The following UBL3 variants were observed in gnomAD, a reference collection of about 807,000 sequenced individuals.
UBL3 encodes the protein ubiquitin like 3.
A neutral mutation model predicts 18.4 loss-of-function variants in UBL3; 6 were observed. That is an observed-to-expected ratio of 0.33 (90% CI 0.18 to 0.64). The LOEUF (loss-of-function observed/expected upper bound fraction) is 0.64, where lower values mean the gene tolerates loss of function less well. Among genes scored for constraint, UBL3 ranks in the 30% least tolerant of loss-of-function variants. UBL3 has a pLI of 0.76. For missense variants in UBL3, 109 were observed against 142.9 expected, an observed-to-expected ratio of 0.76 and a Z score of 1.21; for synonymous variants, 49 against 46.6, an observed-to-expected ratio of 1.05 and a Z score of -0.21.
At chr13:29,820,119 A>G (rs1435898832) in intron 1 of UBL3, among the ~76,000 whole-genome samples, 2 of 151,800 alleles carry the variant, frequency 1.3e-5, no homozygotes, top group African/African-American at 2.4e-5. Flanking sequence ...TGACCCTGAA[A>G]AGAAAGATGT....
rs773872548 is a variant in UBL3 at position 29,769,407 on chromosome 13, C to A, written c.224-1712G>T. Reference sequence around the variant, plus strand: ...AAGAGGAATACCAGAATCTAAAATGCGTTTTCTTCCTTTCACTGTGGATGC... The same window carrying A: ...AAGAGGAATACCAGAATCTAAAATGAGTTTTCTTCCTTTCACTGTGGATGC... On this transcript the variant is annotated intron_variant, in intron 3 of 4. Transcript: ENST00000380680. Among the ~76,000 whole-genome samples, 2 of 152,010 alleles carry A rather than the reference C, an allele frequency of 1.3e-5. 1 individual carries two copies. Among genetic ancestry groups the A allele is most frequent in the Non-Finnish European group, 2.9e-5 (2 of 67,938 alleles).
chr13:29,766,014 T>G lies in UBL3; in HGVS notation c.*1241A>C, dbSNP rs1239636428. The G allele has an allele frequency of 6.6e-6, 1 of 152,548 alleles. No individual in the cohort carries two copies. The highest frequency in any genetic ancestry group is 2.4e-5 in the African/African-American group (1 of 41,440). The allele number at this position is 152,548 out of a possible 1,614,324, so 9.4% of individuals were successfully genotyped here. ...TGTAGTTAGGTATTTTATAAGTCTT[T>G]TATTAAATATATTCTACACATATTT... On this transcript the variant is annotated 3_prime_UTR_variant, in exon 5 of 5. Transcript: ENST00000380680.
chr13:29,772,370 T>C (rs1251127702), intron 2 of UBL3, among the ~76,000 whole-genome samples, 172 bp from the exon 3 acceptor site: 1 of 152,146 alleles, frequency 6.6e-6, no homozygotes, highest in Non-Finnish European at 1.5e-5. Flanking sequence ...ACCTTGGTTA[T>C]TACTTATTCT....
intron 2 of UBL3, among the ~76,000 whole-genome samples, chr13:29,773,305 T>C (rs998794051): frequency 2.6e-5 from 4 of 152,148 alleles, no homozygotes; most frequent in African/African-American, 9.7e-5. Context: ...CGTCATTTCC[T>C]GCCCCCGCTC....
chr13:29,843,949 C>T (rs1310112665), intron 1 of UBL3, among the ~76,000 whole-genome samples: 1 of 152,200 alleles, frequency 6.6e-6, no homozygotes, highest in Non-Finnish European at 1.5e-5. Context: ...GAATACTCAT[C>T]TTTTGTAATA....
At chr13:29,776,304 T>G (rs1456712843) in intron 2 of UBL3, among the ~76,000 whole-genome samples, 14 of 138,110 alleles carry the variant, frequency 1.0e-4, no homozygotes, top group African/African-American at 3.0e-4. Flanking sequence ...GCTCTGTTGC[T>G]CAGGCAGGAA....
At chr13:29,843,328 A>G (rs1879153079) in intron 1 of UBL3, among the ~76,000 whole-genome samples, 1 of 152,226 alleles carries the variant, frequency 6.6e-6, no homozygotes, top group South Asian at 2.1e-4. Flanking sequence ...TATTTTAAAT[A>G]TTAACTTGTT....
rs1385738849 is a variant in UBL3 at position 29,765,941 on chromosome 13, T to A, written c.*1314A>T. The A allele has an allele frequency of 6.6e-6, 1 of 152,600 alleles. No individual in the cohort carries two copies. The highest frequency in any genetic ancestry group is 1.5e-5 in the Non-Finnish European group (1 of 67,992). 9.5% of individuals were successfully genotyped at this position (152,600 alleles called of 1,614,324 possible). On this transcript the variant is annotated 3_prime_UTR_variant, in exon 5 of 5. Coordinates refer to ENST00000380680, the MANE Select transcript of UBL3 (RefSeq NM_007106.4). Reference sequence around the variant, plus strand: ...TTTTTATAAAGGCTAAACTTATTTATATGGAATATTGTTCTGTATACTACG... The same window carrying A: ...TTTTTATAAAGGCTAAACTTATTTAAATGGAATATTGTTCTGTATACTACG...
At chr13:29,768,275 A>AT (rs754705083) in intron 3 of UBL3, among the ~76,000 whole-genome samples, 2 of 152,056 alleles carry the variant, frequency 1.3e-5, no homozygotes, top group African/African-American at 4.8e-5. Context: ...TCTTTATAAC[A>AT]TTTTTTCACT....
At chr13:29,789,244 A>G (rs1321155366) in intron 1 of UBL3, among the ~76,000 whole-genome samples, 1 of 152,208 alleles carries the variant, frequency 6.6e-6, no homozygotes, top group Non-Finnish European at 1.5e-5. Flanking sequence ...TGCAAAATGA[A>G]AAGAGTTCTG....
chr13:29,782,633 T>C (rs113385146), intron 1 of UBL3, among the ~76,000 whole-genome samples: 4 of 152,264 alleles, frequency 2.6e-5, no homozygotes, highest in African/African-American at 4.8e-5. Context: ...ACATTTGAGT[T>C]TGTTAACTCA....
chr13:29,845,573 G>C (rs536643454), intron 1 of UBL3, among the ~76,000 whole-genome samples: 1 of 152,006 alleles, frequency 6.6e-6, no homozygotes, highest in African/African-American at 2.4e-5. Flanking sequence ...ACTTGGAAAA[G>C]TGATAAAAGT....
At chr13:29,769,206 G>T (rs1876771738) in intron 3 of UBL3, among the ~76,000 whole-genome samples, 2 of 152,040 alleles carry the variant, frequency 1.3e-5, no homozygotes, top group African/African-American at 4.8e-5. Flanking sequence ...GAGAAAAAAG[G>T]TAGGTAAACT....
intron 1 of UBL3, among the ~76,000 whole-genome samples, chr13:29,777,662 T>A (rs1011004775): frequency 2.6e-5 from 4 of 152,112 alleles, no homozygotes; most frequent in African/African-American, 7.2e-5. Context: ...AGAAAAAAAA[T>A]TTAGTTGATA....
intron 1 of UBL3, among the ~76,000 whole-genome samples, chr13:29,786,708 G>C (rs1877327867): frequency 6.6e-6 from 1 of 152,180 alleles, no homozygotes; most frequent in East Asian, 1.9e-4. Flanking sequence ...GGTACATTTA[G>C]ATATGCTAAA....
chr13:29,770,577 C>A (rs187393092), intron 3 of UBL3, among the ~76,000 whole-genome samples: 1 of 151,910 alleles, frequency 6.6e-6, no homozygotes, highest in Non-Finnish European at 1.5e-5. Flanking sequence ...GGAAATTGCT[C>A]ACATAGATCA....
At chr13:29,778,885 T>C (rs552333586) in intron 1 of UBL3, among the ~76,000 whole-genome samples, 4 of 152,360 alleles carry the variant, frequency 2.6e-5, no homozygotes, top group African/African-American at 9.6e-5. Context: ...TATTAGAACC[T>C]GTATTCTATC....
At chr13:29,798,316 G>C (rs1327963296) in intron 1 of UBL3, among the ~76,000 whole-genome samples, 1 of 152,154 alleles carries the variant, frequency 6.6e-6, no homozygotes, top group African/African-American at 2.4e-5. Flanking sequence ...GTGAGCCACC[G>C]CGCCCGACCC....
At chr13:29,813,010 C>A (rs1228563714) in intron 1 of UBL3, among the ~76,000 whole-genome samples, 1 of 151,958 alleles carries the variant, frequency 6.6e-6, no homozygotes, top group African/African-American at 2.4e-5. Flanking sequence ...TCTAAAGAGT[C>A]ATTTTTACCC....
Sources: allele counts gnomAD v4.1 joint callset (sites outside exome capture counted in the v4.1 genomes callset), GRCh38; gene constraint gnomAD v4.1.1; transcripts MANE v1.5; gene names NCBI Gene and HGNC (gene_info 2026-07-23, HGNC 2026-07-21).